The following MTCH2 variants were observed in gnomAD, a reference collection of about 807,000 sequenced individuals.
MTCH2 encodes the protein mitochondrial carrier 2, also known as mitochondrial carrier homolog 2.
A neutral mutation model predicts 50.6 loss-of-function variants in MTCH2; 25 were observed. The observed-to-expected ratio is 0.49, with a 90% confidence interval of 0.36 to 0.69. The LOEUF (loss-of-function observed/expected upper bound fraction) is 0.69, where lower values mean the gene tolerates loss of function less well. Ranked by LOEUF, MTCH2 falls within the 30% of genes least tolerant of loss-of-function variation. The pLI, the probability that MTCH2 is intolerant of heterozygous loss-of-function variation, is 0.00. For synonymous variants in MTCH2, 106 were observed against 132.0 expected (o/e 0.80, Z 1.35); for missense variants, 273 against 384.4 (o/e 0.71, Z 2.42).
In MTCH2 at chr11:47,618,509, A is replaced by G. The variant is rs188705110; in HGVS notation, c.*324T>C. 12 of 276,540 alleles carry G rather than the reference A, an allele frequency of 4.3e-5. No homozygotes were observed. The Admixed American group carries it at 6.4e-4, about 15-fold the overall frequency. The allele number at this position is 276,540 out of a possible 1,614,324, so 17.1% of individuals were successfully genotyped here. On this transcript the variant is annotated 3_prime_UTR_variant, in exon 13 of 13. Transcript: ENST00000302503. ...TTCTTGGAATTCTACTCTTCATTTT[A>G]CAAAGCCTTAAATTGAGACTCAAAA...
At chr11:47,631,383 TG>T (rs1217015305) in intron 6 of MTCH2, among the ~76,000 whole-genome samples, 1 of 152,114 alleles carries the variant, frequency 6.6e-6, no homozygotes, top group East Asian at 1.9e-4. Context: ...CACTCCAGCC[TG>T]GGCAACAAGA....
intron 5 of MTCH2, among the ~76,000 whole-genome samples, chr11:47,633,293 G>A (rs543377475): frequency 1.3e-4 from 19 of 148,216 alleles, no homozygotes; most frequent in South Asian, 2.1e-4. Context: ...TGTATTTTTC[G>A]TAGAGACGGG....
chr11:47,608,502 T>A, the MTCH2 span, among the ~76,000 whole-genome samples: 2 of 152,158 alleles, frequency 1.3e-5, no homozygotes, highest in South Asian at 2.1e-4. Context: ...TTTCTATTTA[T>A]AAATAGCCCT....
chr11:47,616,630 G>A (rs2097288560), downstream of MTCH2, among the ~76,000 whole-genome samples: 1 of 150,996 alleles, frequency 6.6e-6, no homozygotes, highest in African/African-American at 2.4e-5. Context: ...ACCAGCCTAA[G>A]TTCATATTAC....
At chr11:47,609,457 C>CA in the MTCH2 span, among the ~76,000 whole-genome samples, 1,988 of 40,086 alleles carry the variant, frequency 0.05, 117 homozygotes, top group African/African-American at 0.094. Context: ...GATTCTGTAT[C>CA]AAAAAAAAAA....
Position 47,639,052 on chromosome 11 carries a change from C to T in MTCH2, c.88-1G>A. 1.9e-6 allele frequency: 3 copies of T among 1,606,822 alleles called. No individual in the cohort carries two copies. The highest frequency in any genetic ancestry group is 2.6e-6 in the Non-Finnish European group (3 of 1,175,776). The stretch of plus-strand genomic sequence containing the variant: ...TTGGAGGAAGAGGCTCATATCCCAC[C>T]TTTAAAAACAATGGAATATATCAAT... On this transcript the variant is annotated splice_acceptor_variant, in intron 1 of 12. Coordinates refer to ENST00000302503, the MANE Select transcript of MTCH2 (RefSeq NM_014342.4). LOFTEE classifies it high-confidence loss of function.
chr11:47,615,368 T>C (rs1184467277), downstream of MTCH2, among the ~76,000 whole-genome samples: 1 of 152,180 alleles, frequency 6.6e-6, no homozygotes, highest in Non-Finnish European at 1.5e-5. Context: ...GTGTTGGATG[T>C]AGTTTTTGTC....
At chr11:47,634,769 ATTTTT>A (rs139407275) in intron 4 of MTCH2, 35 bp from the exon 5 acceptor site, 198 of 739,026 alleles carry the variant, frequency 2.7e-4, no homozygotes, top group East Asian at 5.4e-4. Context: ...AGAGATCTTG[ATTTTT>A]TTTTTTTTTT....
At chr11:47,636,961 GTT>G (rs11393379) in intron 3 of MTCH2, among the ~76,000 whole-genome samples, 3 of 141,328 alleles carry the variant, frequency 2.1e-5, no homozygotes, top group Admixed American at 7.1e-5. Flanking sequence ...CAAGAACTCT[GTT>G]TTTTTTTTTT....
intron 12 of MTCH2, among the ~76,000 whole-genome samples, chr11:47,622,137 T>C (rs1404344825): frequency 6.6e-6 from 1 of 152,174 alleles, no homozygotes; most frequent in African/African-American, 2.4e-5. Flanking sequence ...GTGCTAGAAT[T>C]ATAAGCGTGA....
chr11:47,608,677 G>T, the MTCH2 span, among the ~76,000 whole-genome samples: 2 of 152,110 alleles, frequency 1.3e-5, no homozygotes, highest in African/African-American at 2.4e-5. Context: ...AAGAAATCTT[G>T]GCCGATTGCG....
chr11:47,627,881 A>G (rs2097299502), intron 9 of MTCH2, among the ~76,000 whole-genome samples: 1 of 152,244 alleles, frequency 6.6e-6, no homozygotes, highest in Non-Finnish European at 1.5e-5. Flanking sequence ...ATATTAACAG[A>G]CAAATTCATA....
chr11:47,629,764 AC>A (rs2097301324), intron 8 of MTCH2, among the ~76,000 whole-genome samples: 1 of 151,738 alleles, frequency 6.6e-6, no homozygotes, highest in Non-Finnish European at 1.5e-5. Flanking sequence ...AAAAAAAAAA[AC>A]AAAAAACACC....
At chr11:47,640,206 G>A (rs555106909) in intron 1 of MTCH2, among the ~76,000 whole-genome samples, 1 of 151,960 alleles carries the variant, frequency 6.6e-6, no homozygotes, top group East Asian at 2.0e-4. Context: ...GCGGACACCT[G>A]TAATCCCAGC....
chr11:47,630,015 C>CTTAT (rs1390218553), intron 8 of MTCH2, among the ~76,000 whole-genome samples: 1 of 151,550 alleles, frequency 6.6e-6, no homozygotes, highest in Admixed American at 6.6e-5. Context: ...AAAGAAATTC[C>CTTAT]TTATTTATTT....
rs768923087 is a variant in MTCH2, at chr11:47,638,804, A to G, written c.174T>C (p.Ala58=). The G allele has an allele frequency of 1.2e-6, 2 of 1,613,854 alleles. No homozygotes were observed. Among genetic ancestry groups the G allele is most frequent in the East Asian group, 2.2e-5 (1 of 44,874 alleles). Residue 58 remains alanine, a splice_region_variant and synonymous_variant, in exon 3 of 13, where the codon GCT becomes GCC. Coordinates refer to ENST00000302503, the MANE Select transcript of MTCH2 (RefSeq NM_014342.4). The part of the protein sequence containing the change: ...VCQLPGLFSY[A]QHIASIDGRR... Reference sequence around the variant, plus strand: ...TCCCATCGATACTGGCAATGTGCTGAGCTAAGAACACAAGTCAGAGATGTT... The same window carrying G: ...TCCCATCGATACTGGCAATGTGCTGGGCTAAGAACACAAGTCAGAGATGTT...
intron 1 of MTCH2, 90 bp from the exon 2 acceptor site, chr11:47,639,141 T>A: frequency 8.5e-7 from 1 of 1,181,916 alleles, no homozygotes; most frequent in Non-Finnish European, 1.2e-6. Flanking sequence ...ACAATTTGGG[T>A]TATTTTTAAA....
intron 8 of MTCH2, among the ~76,000 whole-genome samples, chr11:47,630,077 G>A (rs758108640): frequency 5.9e-5 from 9 of 152,096 alleles, no homozygotes; most frequent in Non-Finnish European, 1.3e-4. Context: ...CACCCGGGCT[G>A]GAGTACAGTG....
At chr11:47,607,880 A>G in the MTCH2 span, among the ~76,000 whole-genome samples, 1 of 152,342 alleles carries the variant, frequency 6.6e-6, no homozygotes, top group South Asian at 2.1e-4. Context: ...TGTTGAGCAT[A>G]CAATGTTGAT....
Sources: gnomAD v4.1 joint callset for allele counts (sites outside exome capture counted in the v4.1 genomes callset) on GRCh38, gnomAD v4.1.1 for gene constraint, MANE v1.5 for transcripts, NCBI Gene and HGNC (gene_info 2026-07-23, HGNC 2026-07-21) for gene names.